Variants in FGD4 observed in about 807,000 individuals in gnomAD.
FGD4 encodes FYVE, RhoGEF and PH domain containing 4.
Under a neutral mutation model 102.0 loss-of-function variants are expected in FGD4, and 42 were observed. That is an observed-to-expected ratio of 0.41 (90% CI 0.32 to 0.53). The LOEUF is 0.53. Ranked by LOEUF, FGD4 falls within the 20% of genes least tolerant of loss-of-function variation. The probability of loss-of-function intolerance (pLI) is 0.21; values close to 1 mark genes in which losing one functional copy is unlikely to be tolerated. For missense variants in FGD4, 902 were observed against 1,078.2 expected (o/e 0.84, Z 2.29); for synonymous variants, 380 against 375.7 (o/e 1.01, Z -0.13).
chr12:32,488,808 G>A (rs549119688), intron 1 of FGD4, among the ~76,000 whole-genome samples: 15 of 152,164 alleles, frequency 9.9e-5, no homozygotes, highest in Middle Eastern at 3.4e-3. Flanking sequence ...GCGTGGTGGC[G>A]CATGCCTGTA....
At chr12:32,545,795 T>A (rs1943184628) in intron 1 of FGD4, among the ~76,000 whole-genome samples, 2 of 152,240 alleles carry the variant, frequency 1.3e-5, no homozygotes, top group African/African-American at 4.8e-5. Flanking sequence ...TATGCAGCTC[T>A]TAACGTTTTT....
At chr12:32,412,699 C>T (rs1232000401) in intron 1 of FGD4, among the ~76,000 whole-genome samples, 1 of 152,034 alleles carries the variant, frequency 6.6e-6, no homozygotes, top group Non-Finnish European at 1.5e-5. Flanking sequence ...ACCTCCGCCT[C>T]CTGGGTTCAA....
At chr12:32,429,599 C>A (rs1323411657) in intron 1 of FGD4, among the ~76,000 whole-genome samples, 1 of 152,210 alleles carries the variant, frequency 6.6e-6, no homozygotes, top group African/African-American at 2.4e-5. Flanking sequence ...CAGGCAGGAA[C>A]TTTTAAGTTT....
chr12:32,439,458 T>A (rs527349738), intron 1 of FGD4, among the ~76,000 whole-genome samples: 1 of 152,340 alleles, frequency 6.6e-6, no homozygotes, highest in East Asian at 1.9e-4. Flanking sequence ...TTTCATTTCC[T>A]TTGGATACAT....
chr12:32,480,651 C>G (rs1943726193), intron 1 of FGD4, among the ~76,000 whole-genome samples: 1 of 151,350 alleles, frequency 6.6e-6, no homozygotes, highest in African/African-American at 2.4e-5. Flanking sequence ...CAGGCACGCA[C>G]CACCATGGCC....
chr12:32,611,387 G>C lies in FGD4; in HGVS notation c.1749+104G>C, dbSNP rs549432195. The stretch of plus-strand genomic sequence containing the variant: ...TCCCAGCACTTTGGGAGGCCGAGGC[G>C]AGTGGATCTCCTGAGGTCAGGAGTT... On this transcript the variant is annotated intron_variant, in intron 10 of 16. Transcript: ENST00000534526. The C allele has an allele frequency of 7.4e-5, 99 of 1,344,336 alleles. 4 individuals carry two copies. The South Asian group carries it at 1.1e-3, about 16-fold the overall frequency. 83.3% of individuals were successfully genotyped at this position (1,344,336 alleles called of 1,614,324 possible). A position where few individuals can be genotyped will look rare whatever the true frequency, so the allele number is the denominator to read the frequency against.
At chr12:32,445,310 G>A (rs750969811) in intron 1 of FGD4, among the ~76,000 whole-genome samples, 2 of 152,290 alleles carry the variant, frequency 1.3e-5, no homozygotes, top group Middle Eastern at 6.8e-3. Context: ...ATTTTTATAT[G>A]TTTAATATTT....
chr12:32,462,083 A>G (rs1943120619), intron 1 of FGD4, among the ~76,000 whole-genome samples: 1 of 152,204 alleles, frequency 6.6e-6, no homozygotes. Flanking sequence ...TTTCTGCATA[A>G]TATCAGGTGG....
rs191265821 is a variant in FGD4 at position 32,464,100 on chromosome 12, T to C, written c.166+64141T>C. On this transcript the variant is annotated intron_variant, in intron 1 of 16. Coordinates refer to ENST00000534526, the MANE Select transcript of FGD4 (RefSeq NM_001370298.3). ...AATGTTTGCTAAGCACTTATTTGCA[T>C]GTGTCCCAGTGAAACGTTATGTATG... is the stretch of plus-strand genomic sequence containing the variant. Among the ~76,000 whole-genome samples the C allele has an allele frequency of 1.1e-4, 17 of 152,312 alleles. No homozygotes were observed. The East Asian group carries it at 3.3e-3, about 29-fold the overall frequency.
At chr12:32,508,850 C>CAGA (rs1162387459) in intron 1 of FGD4, among the ~76,000 whole-genome samples, 7 of 152,246 alleles carry the variant, frequency 4.6e-5, no homozygotes, top group Non-Finnish European at 8.8e-5. Context: ...ATTCCCACTA[C>CAGA]AGAGCACATG....
chr12:32,611,428 A>G (rs1306454213), intron 10 of FGD4, 145 bp downstream of exon 10: 2 of 902,812 alleles, frequency 2.2e-6, no homozygotes, highest in Non-Finnish European at 1.7e-6. Context: ...CCAGTCTACT[A>G]AAAATACAAA....
chr12:32,574,425 A>T (rs1241919954), intron 2 of FGD4, among the ~76,000 whole-genome samples: 1 of 145,994 alleles, frequency 6.8e-6, no homozygotes, highest in Admixed American at 7.0e-5. Context: ...TTGGTGGGAG[A>T]TTTTCCTGTT....
chr12:32,579,039 GTT>G (rs35186090), intron 3 of FGD4, among the ~76,000 whole-genome samples: 76 of 66,146 alleles, frequency 1.1e-3, no homozygotes, highest in East Asian at 6.3e-3. Context: ...AACATTAGTG[GTT>G]TTTTTTTTTT....
chr12:32,463,237 A>C (rs1425122406), intron 1 of FGD4, among the ~76,000 whole-genome samples: 2 of 152,254 alleles, frequency 1.3e-5, no homozygotes, highest in East Asian at 3.8e-4. Flanking sequence ...AAAACAAGCA[A>C]ACAAAATCCA....
intron 1 of FGD4, among the ~76,000 whole-genome samples, chr12:32,562,809 ACTT>A (rs200597821): frequency 0.17 from 26,252 of 152,058 alleles, 2,311 homozygotes; most frequent in Middle Eastern, 0.28. Context: ...TCCCATGTCT[ACTT>A]CTTTCTACAC....
chr12:32,548,989 G>A (rs1341699947), intron 1 of FGD4, among the ~76,000 whole-genome samples: 2 of 152,210 alleles, frequency 1.3e-5, no homozygotes, highest in African/African-American at 4.8e-5. Flanking sequence ...TCAGGAATGT[G>A]GGACAGAGTC....
At chr12:32,511,432 T>G (rs1417364314) in intron 1 of FGD4, among the ~76,000 whole-genome samples, 1 of 152,076 alleles carries the variant, frequency 6.6e-6, no homozygotes, top group Non-Finnish European at 1.5e-5. Flanking sequence ...CAGAGTAGCT[T>G]GGGACTACAG....
chr12:32,460,250 G>A (rs577717058), intron 1 of FGD4, among the ~76,000 whole-genome samples: 1 of 152,096 alleles, frequency 6.6e-6, no homozygotes, highest in Non-Finnish European at 1.5e-5. Flanking sequence ...GGTGGCTCAC[G>A]CCTGTAATCC....
At chr12:32,426,332 T>C (rs567352588) in intron 1 of FGD4, among the ~76,000 whole-genome samples, 1 of 152,326 alleles carries the variant, frequency 6.6e-6, no homozygotes, top group South Asian at 2.1e-4. Flanking sequence ...CATGTGGTTT[T>C]TGTCGTTGGT....
Sources: allele counts gnomAD v4.1 joint callset (sites outside exome capture counted in the v4.1 genomes callset), GRCh38; gene constraint gnomAD v4.1.1; transcripts MANE v1.5; gene names NCBI Gene and HGNC (gene_info 2026-07-23, HGNC 2026-07-21).